Variants in LTBP1 observed in about 807,000 individuals in gnomAD.
The protein encoded by LTBP1 is latent-transforming growth factor beta-binding protein 1.
LTBP1 carries 129 observed loss-of-function variants against 207.6 expected under a neutral mutation model. The observed-to-expected ratio is 0.62, with a 90% CI of 0.54 to 0.72. The LOEUF is 0.72. Among genes scored for constraint, LTBP1 ranks in the 30% least tolerant of loss-of-function variants. LTBP1 has a pLI of 0.00. For synonymous variants in LTBP1, 963 were observed against 833.7 expected (o/e 1.16, Z -2.67); for missense variants, 2,281 against 2,217.2 (o/e 1.03, Z -0.58).
At chr2:33,125,853 A>G (rs1279862534) in intron 4 of LTBP1, among the ~76,000 whole-genome samples, 1 of 152,018 alleles carries the variant, frequency 6.6e-6, no homozygotes, top group Non-Finnish European at 1.5e-5. Flanking sequence ...AAATTACTCC[A>G]AACTGTAGTG....
intron 3 of LTBP1, among the ~76,000 whole-genome samples, chr2:33,034,951 A>T (rs1350949539): frequency 6.6e-6 from 1 of 152,210 alleles, no homozygotes; most frequent in Non-Finnish European, 1.5e-5. Flanking sequence ...TTATTTTTAT[A>T]CCGCAGAATG....
chr2:33,147,092 A>G (rs2083116077), intron 5 of LTBP1, among the ~76,000 whole-genome samples: 1 of 152,240 alleles, frequency 6.6e-6, no homozygotes, highest in African/African-American at 2.4e-5. Flanking sequence ...TGCCTTCTTC[A>G]ATCCCTAAAT....
At chr2:33,076,195 G>T (rs745792297) in intron 3 of LTBP1, among the ~76,000 whole-genome samples, 3 of 152,118 alleles carry the variant, frequency 2.0e-5, no homozygotes, top group Non-Finnish European at 4.4e-5. Context: ...TCTGTGACTG[G>T]TTTTTTCCAA....
In LTBP1 at chr2:33,222,080, C is replaced by T. The variant is rs2091146822; in HGVS notation, c.1805C>T (p.Ser602Phe). 6.2e-7 allele frequency: 1 copy of T among 1,609,948 alleles called. No homozygotes were observed. Residue 602 changes from serine to phenylalanine, a missense_variant and splice_region_variant, in exon 9 of 34, where the codon TCT (serine) becomes TTT (phenylalanine). Physicochemically the swap from Ser to Phe is radical, Grantham distance 155 (BLOSUM62 -2). Coordinates refer to ENST00000404816, the MANE Select transcript of LTBP1 (RefSeq NM_206943.4). ...TAACAAAGCATTTCTTCCCTTACAG[C>T]TTATCATGGATACAACCAAATGATG... ...NKCQKCPKKP[S>F]YHGYNQMMEC...
intron 26 of LTBP1, among the ~76,000 whole-genome samples, chr2:33,349,655 T>C (rs753757608): frequency 2.1e-4 from 32 of 152,200 alleles, no homozygotes; most frequent in Non-Finnish European, 4.3e-4. Context: ...TTTTTACAGT[T>C]TTTCTCAATT....
At chr2:33,182,526 G>T (rs1371776386) in intron 5 of LTBP1, among the ~76,000 whole-genome samples, 1 of 151,190 alleles carries the variant, frequency 6.6e-6, no homozygotes, top group Non-Finnish European at 1.5e-5. Context: ...GCCAGGTGTG[G>T]TGGCAGGTGC....
At chr2:33,347,267 T>C (rs1056106529) in intron 25 of LTBP1, 100 bp from the exon 26 acceptor site, 1 of 1,403,956 alleles carries the variant, frequency 7.1e-7, no homozygotes, top group Non-Finnish European at 9.9e-7. Context: ...GGGATCGCCT[T>C]CTTTTCAGCA....
At position 33,345,588 on chromosome 2, in the gene LTBP1, A is replaced by C. The variant is rs542546683; in HGVS notation, c.3857-1779A>C. Reference sequence around the variant, plus strand: ...GACTGTCGGTTGATTAAATATTTCAACTCTGCTTTATGTTATGGTATTTTT... The same window carrying C: ...GACTGTCGGTTGATTAAATATTTCACCTCTGCTTTATGTTATGGTATTTTT... On this transcript the variant is annotated intron_variant, in intron 25 of 33. Transcript: ENST00000404816. Among the ~76,000 whole-genome samples, 8 of 152,268 alleles carry C rather than the reference A, an allele frequency of 5.3e-5. No homozygotes were observed. The East Asian group carries it at 1.5e-3, about 29-fold the overall frequency.
At chr2:33,018,619 C>A (rs1329000402) in intron 2 of LTBP1, among the ~76,000 whole-genome samples, 1 of 152,114 alleles carries the variant, frequency 6.6e-6, no homozygotes, top group Non-Finnish European at 1.5e-5. Context: ...AGGACAGCAT[C>A]TCAGATATAG....
chr2:33,103,586 C>CGTGTGTGTGTGTGTGTGTGT (rs71407500), intron 3 of LTBP1, among the ~76,000 whole-genome samples: 85 of 118,210 alleles, frequency 7.2e-4, no homozygotes, highest in Non-Finnish European at 1.0e-3. Flanking sequence ...TCTCCGTTTA[C>CGTGTGTGTGTGTGTGTGTGT]GTGTGTGTGT....
chr2:33,072,085 C>A (rs1391400515), intron 3 of LTBP1, among the ~76,000 whole-genome samples: 1 of 152,176 alleles, frequency 6.6e-6, no homozygotes, highest in Non-Finnish European at 1.5e-5. Context: ...GAACTTCTGA[C>A]CAACCAGTGT....
Position 33,134,512 on chromosome 2 carries a change from A to G in LTBP1, c.1034-281A>G. 7.0e-7 allele frequency: 1 copy of G among 1,427,648 alleles called. No homozygotes were observed. 88.4% of individuals were successfully genotyped at this position (1,427,648 alleles called of 1,614,324 possible). The stretch of plus-strand genomic sequence containing the variant: ...AATAAAGTGCAGCATTGTGGTTAGT[A>G]ATCCCACTCCAGTGACTCGACTTCA... On this transcript the variant is annotated intron_variant, in intron 4 of 33. Coordinates refer to ENST00000404816, the MANE Select transcript of LTBP1 (RefSeq NM_206943.4). The surrounding 1 kb of genome is among the most constrained non-coding windows in gnomAD (Gnocchi z 4.4).
At chr2:33,030,948 A>G (rs1054570386) in intron 3 of LTBP1, among the ~76,000 whole-genome samples, 6 of 152,190 alleles carry the variant, frequency 3.9e-5, no homozygotes, top group African/African-American at 1.2e-4. Context: ...GTGGATAACT[A>G]ACATCTTCAC....
chr2:33,085,830 G>A (rs556328054), intron 3 of LTBP1, among the ~76,000 whole-genome samples: 2 of 152,268 alleles, frequency 1.3e-5, no homozygotes, highest in African/African-American at 4.8e-5. Context: ...GTATGGATGT[G>A]GTTTGGCATG....
rs1299511214 is a variant in LTBP1, at chr2:33,363,460, G to A, written c.4341G>A (p.Gly1447=). The change falls in exon 29 of 34, where the codon GGG becomes GGA. Residue 1447 remains glycine (G), a synonymous_variant. Transcript: ENST00000404816. The stretch of plus-strand genomic sequence containing the variant: ...GTTTCTGTTTGAACACTCGGCCTGG[G>A]TATGAATGCTACTGTAAGCAAGGGA... The part of the protein sequence containing the change: ...KNGFCLNTRP[G]YECYCKQGTY... 5.6e-6 allele frequency: 9 copies of A among 1,613,810 alleles called. No homozygotes were observed. The highest frequency in any genetic ancestry group is 7.6e-6 in the Non-Finnish European group (9 of 1,179,860).
intron 5 of LTBP1, among the ~76,000 whole-genome samples, chr2:33,153,479 A>C (rs1171863732): frequency 6.6e-6 from 1 of 152,134 alleles, no homozygotes; most frequent in East Asian, 1.9e-4. Context: ...TTTTTTTAAA[A>C]GAAAACTGAA....
intron 23 of LTBP1, among the ~76,000 whole-genome samples, chr2:33,313,661 G>A (rs1207254556): frequency 6.6e-6 from 1 of 152,200 alleles, no homozygotes; most frequent in Admixed American, 6.5e-5. Context: ...TGCTGCTAAG[G>A]ACATGGGATC....
intron 19 of LTBP1, among the ~76,000 whole-genome samples, chr2:33,288,691 T>TA (rs1044955426): frequency 1.3e-5 from 2 of 151,638 alleles, no homozygotes; most frequent in African/African-American, 4.8e-5. Flanking sequence ...CCGTCTCTAT[T>TA]AAAAATACAA....
Position 33,389,321 on chromosome 2 carries a change from C to T in LTBP1, c.4834+15C>T, listed in dbSNP as rs1321001539. ...CATCCAAGACCGTAAGCAAAATAAC[C>T]TTGTTCCTTTGATACTAAGTTGTGG... is the stretch of plus-strand genomic sequence containing the variant. On this transcript the variant is annotated intron_variant, in intron 32 of 33. Transcript: ENST00000404816. The T allele has an allele frequency of 2.5e-6, 4 of 1,613,862 alleles. No homozygotes were observed. Among genetic ancestry groups the T allele is most frequent in the African/African-American group, 1.3e-5 (1 of 75,036 alleles).
Sources: gnomAD v4.1 joint callset for allele counts (sites outside exome capture counted in the v4.1 genomes callset) on GRCh38, gnomAD v4.1.1 for gene constraint, Gnocchi (gnomAD v3.1) non-coding constraint, MANE v1.5 for transcripts, NCBI Gene and HGNC (gene_info 2026-07-23, HGNC 2026-07-21) for gene names.